The following SCRN1 variants were observed in gnomAD, a reference collection of about 807,000 sequenced individuals.
The protein encoded by SCRN1 is secernin-1.
A neutral mutation model predicts 43.3 loss-of-function variants in SCRN1; 19 were observed. That is an observed-to-expected ratio of 0.44 (90% CI 0.31 to 0.64). The LOEUF (loss-of-function observed/expected upper bound fraction) is 0.64, where lower values mean the gene tolerates loss of function less well. Among genes scored for constraint, SCRN1 ranks in the 30% least tolerant of loss-of-function variants. SCRN1 has a pLI of 0.09. For missense variants in SCRN1, 447 were observed against 524.1 expected, an observed-to-expected ratio of 0.85 and a Z score of 1.44; for synonymous variants, 183 against 188.9, an observed-to-expected ratio of 0.97 and a Z score of 0.26.
intron 1 of SCRN1, among the ~76,000 whole-genome samples, chr7:29,986,516 T>G (rs185583825): frequency 1.2e-4 from 19 of 152,176 alleles, no homozygotes; most frequent in African/African-American, 4.3e-4. Flanking sequence ...ATGAGGCTGG[T>G]GGCTACCAGA....
At chr7:29,938,888 G>A (rs993618419) in intron 5 of SCRN1, among the ~76,000 whole-genome samples, 5 of 152,090 alleles carry the variant, frequency 3.3e-5, no homozygotes, top group East Asian at 1.9e-4. Flanking sequence ...TTCCTCTAGC[G>A]CCACTGGGTT....
chr7:29,949,589 C>A (rs1787850603), intron 3 of SCRN1, among the ~76,000 whole-genome samples: 1 of 151,960 alleles, frequency 6.6e-6, no homozygotes, highest in South Asian at 2.1e-4. Context: ...GTTGCCCAGG[C>A]TGGTCTTTAA....
intron 3 of SCRN1, among the ~76,000 whole-genome samples, chr7:29,944,662 CAA>C (rs397729276): frequency 4.2e-4 from 33 of 77,716 alleles, no homozygotes; most frequent in Admixed American, 6.0e-4. Context: ...GACCCTGTCT[CAA>C]AAAAAAAAAA....
chr7:29,925,735 G>A (rs572798155), intron 7 of SCRN1, among the ~76,000 whole-genome samples: 1 of 151,950 alleles, frequency 6.6e-6, no homozygotes, highest in Non-Finnish European at 1.5e-5. Flanking sequence ...GAGTCTGGGC[G>A]CGGTGGCTCC....
upstream of SCRN1, chr7:29,990,138 C>T (rs982493001): frequency 1.3e-6 from 2 of 1,551,486 alleles, no homozygotes; most frequent in Admixed American, 2.0e-5. Flanking sequence ...GTCCGGGCCT[C>T]GGCGCCCACA....
intron 1 of SCRN1, among the ~76,000 whole-genome samples, chr7:29,987,474 A>C: frequency 6.6e-6 from 1 of 152,268 alleles, no homozygotes; most frequent in East Asian, 1.9e-4. Flanking sequence ...AAACACAAGC[A>C]ACTCAATTTT....
intron 2 of SCRN1, among the ~76,000 whole-genome samples, chr7:29,962,557 A>T (rs1462648980): frequency 6.6e-6 from 1 of 151,992 alleles, no homozygotes; most frequent in South Asian, 2.1e-4. Context: ...CTATGGTGGC[A>T]CATGCCTGTA....
chr7:29,978,927 T>C (rs892160599), intron 1 of SCRN1, among the ~76,000 whole-genome samples: 1 of 152,252 alleles, frequency 6.6e-6, no homozygotes, highest in Non-Finnish European at 1.5e-5. Flanking sequence ...ACTAGGGAAA[T>C]ATAGAGTTCA....
chr7:29,958,515 G>A (rs1386298470), intron 2 of SCRN1, among the ~76,000 whole-genome samples: 6 of 152,200 alleles, frequency 3.9e-5, no homozygotes, highest in Non-Finnish European at 8.8e-5. Flanking sequence ...GTTTCTCTAG[G>A]TACAAATATC....
At chr7:29,984,083 G>C (rs56200017) in intron 1 of SCRN1, among the ~76,000 whole-genome samples, 2,908 of 151,924 alleles carry the variant, frequency 0.019, 40 homozygotes, top group East Asian at 0.041. Flanking sequence ...GCGCTCACCT[G>C]TGAGCCAAGC....
chr7:29,924,819 T>G (rs908156053), intron 7 of SCRN1, among the ~76,000 whole-genome samples: 39 of 152,328 alleles, frequency 2.6e-4, no homozygotes, highest in African/African-American at 8.7e-4. Context: ...ACTCACTCAT[T>G]TATGGCAGAT....
At chr7:29,941,825 C>A (rs897201547) in intron 4 of SCRN1, among the ~76,000 whole-genome samples, 1 of 152,188 alleles carries the variant, frequency 6.6e-6, no homozygotes, top group African/African-American at 2.4e-5. Flanking sequence ...GTCTAGGGCA[C>A]AAACACTAGG....
intron 1 of SCRN1, among the ~76,000 whole-genome samples, chr7:29,977,341 C>G (rs1440071614): frequency 6.6e-6 from 1 of 152,198 alleles, no homozygotes; most frequent in Non-Finnish European, 1.5e-5. Flanking sequence ...AATTATTATA[C>G]TCTTCATTAA....
intron 4 of SCRN1, among the ~76,000 whole-genome samples, chr7:29,942,968 T>C (rs771594829): frequency 6.6e-6 from 1 of 152,212 alleles, no homozygotes; most frequent in Non-Finnish European, 1.5e-5. Flanking sequence ...TCCCATCTAC[T>C]GTGGTAGATC....
upstream of SCRN1, chr7:29,989,941 A>T (rs1482773224): frequency 1.7e-6 from 2 of 1,211,144 alleles, no homozygotes; most frequent in African/African-American, 1.6e-5. Context: ...GGCGCTGCTC[A>T]CCGTCGAGTA....
intron 7 of SCRN1, 127 bp downstream of exon 7, chr7:29,926,325 G>A (rs1786950738): frequency 2.0e-6 from 2 of 996,326 alleles, no homozygotes; most frequent in Admixed American, 5.0e-5. Context: ...TGGTCTCTGG[G>A]AGAAGCCCGG....
rs896975981 is a variant in SCRN1, at chr7:29,950,043, C to T, written c.341+5136G>A. On this transcript the variant is annotated intron_variant, in intron 3 of 7. Coordinates refer to ENST00000242059, the MANE Select transcript of SCRN1 (RefSeq NM_014766.5). The surrounding 1 kb of genome is among the most constrained non-coding windows in gnomAD (Gnocchi z 4.5). ...GTGCTTTGCGAGGCTGGTGGGAGCC[C>T]CACCCCCTACCAAGTTGGCAGGGTG... is the stretch of plus-strand genomic sequence containing the variant. Among the ~76,000 whole-genome samples, 2 of 152,100 alleles carry T rather than the reference C, an allele frequency of 1.3e-5. No homozygotes were observed. Among genetic ancestry groups the T allele is most frequent in the Non-Finnish European group, 2.9e-5 (2 of 68,008 alleles).
intron 2 of SCRN1, among the ~76,000 whole-genome samples, chr7:29,966,092 G>A (rs1039837127): frequency 6.0e-5 from 9 of 148,950 alleles, no homozygotes; most frequent in South Asian, 2.1e-4. Flanking sequence ...ACAGAGGAAC[G>A]AGAGAGAGAG....
At chr7:29,961,643 C>T (rs1290719276) in intron 2 of SCRN1, among the ~76,000 whole-genome samples, 5 of 151,376 alleles carry the variant, frequency 3.3e-5, no homozygotes, top group Admixed American at 1.3e-4. Flanking sequence ...CCAGTAGGGG[C>T]GGCCGGGCAG....
Sources: allele counts gnomAD v4.1 joint callset (sites outside exome capture counted in the v4.1 genomes callset), GRCh38; gene constraint gnomAD v4.1.1; non-coding constraint Gnocchi (gnomAD v3.1); transcripts MANE v1.5; gene names NCBI Gene and HGNC (gene_info 2026-07-23, HGNC 2026-07-21).